The following SND1 variants were observed in gnomAD, a reference collection of about 807,000 sequenced individuals.
SND1 encodes staphylococcal nuclease domain-containing protein 1.
A neutral mutation model predicts 121.7 loss-of-function variants in SND1; 38 were observed. The observed-to-expected ratio is 0.31, with a 90% CI of 0.24 to 0.41. The LOEUF (loss-of-function observed/expected upper bound fraction) is 0.41, where lower values mean the gene tolerates loss of function less well. Ranked by LOEUF, SND1 falls within the 10% of genes least tolerant of loss-of-function variation. The pLI is 1.00. For missense variants in SND1, 868 were observed against 1,184.6 expected (o/e 0.73, Z 3.92); for synonymous variants, 401 against 447.4 (o/e 0.90, Z 1.31).
At chr7:127,763,883 T>C (rs980006575) in intron 10 of SND1, among the ~76,000 whole-genome samples, 39 of 151,892 alleles carry the variant, frequency 2.6e-4, no homozygotes, top group African/African-American at 9.2e-4. Context: ...TGCCTCAGCA[T>C]AGTGAGACAC....
intron 17 of SND1, among the ~76,000 whole-genome samples, chr7:128,075,113 A>C (rs322833): frequency 0.47 from 72,113 of 152,094 alleles, 19,314 homozygotes; most frequent in African/African-American, 0.73. Context: ...CCCCGTGGGG[A>C]AACAACCCTA....
At chr7:127,671,498 A>T (rs1795517285) in intron 1 of SND1, among the ~76,000 whole-genome samples, 1 of 152,036 alleles carries the variant, frequency 6.6e-6, no homozygotes, top group African/African-American at 2.4e-5. Flanking sequence ...CTCCTGGTTT[A>T]TTTGTTTGTT....
intron 12 of SND1, among the ~76,000 whole-genome samples, chr7:127,887,701 G>A (rs1212287338): frequency 6.6e-6 from 1 of 151,474 alleles, no homozygotes; most frequent in Non-Finnish European, 1.5e-5. Flanking sequence ...GTACTAACCA[G>A]AAAAATGCTG....
intron 16 of SND1, among the ~76,000 whole-genome samples, chr7:128,009,484 T>C (rs1176226877): frequency 1.3e-5 from 2 of 152,252 alleles, no homozygotes; most frequent in Non-Finnish European, 2.9e-5. Context: ...AACAGAACTT[T>C]CTATGTTGGT....
At chr7:128,079,543 C>G (rs901234872) in intron 17 of SND1, among the ~76,000 whole-genome samples, 3 of 152,228 alleles carry the variant, frequency 2.0e-5, no homozygotes, top group Admixed American at 6.5e-5. Flanking sequence ...CCCACAAGCC[C>G]AGCCATAGAA....
intron 7 of SND1, 115 bp from the exon 8 acceptor site, chr7:127,704,723 CA>C (rs1344153532): frequency 3.5e-6 from 3 of 865,044 alleles, no homozygotes; most frequent in Non-Finnish European, 5.6e-6. Context: ...AACAAACAAA[CA>C]AACAAACTGC....
At chr7:128,086,746 C>T (rs1731119645) in intron 20 of SND1, 192 bp from the exon 21 acceptor site, 1 of 625,550 alleles carries the variant, frequency 1.6e-6, no homozygotes. Flanking sequence ...TACTGCTGGA[C>T]CAGCAGGGCA....
At position 127,802,125 on chromosome 7, in the gene SND1, G is replaced by A. The variant is rs958735824; in HGVS notation, c.1153-5359G>A. Among the ~76,000 whole-genome samples the A allele has an allele frequency of 6.6e-5, 10 of 152,156 alleles. No homozygotes were observed. The East Asian group carries it at 9.7e-4, about 15-fold the overall frequency. On this transcript the variant is annotated intron_variant, in intron 10 of 23. Transcript: ENST00000354725. ...CTCCCAAAGTGCTGGGATTACAGGC[G>A]TGAACCACCGCGCCCAGCTCTAGAA... is the stretch of plus-strand genomic sequence containing the variant.
At chr7:127,741,418 A>G (rs1796880046) in intron 10 of SND1, among the ~76,000 whole-genome samples, 1 of 151,666 alleles carries the variant, frequency 6.6e-6, no homozygotes, top group African/African-American at 2.4e-5. Flanking sequence ...TTGTTCTTTT[A>G]CCTTAAAATC....
chr7:127,725,336 G>A (rs1796563676), intron 10 of SND1, among the ~76,000 whole-genome samples: 1 of 152,138 alleles, frequency 6.6e-6, no homozygotes, highest in Admixed American at 6.5e-5. Flanking sequence ...TTAGAGAAGG[G>A]TACTGCTTCT....
chr7:127,774,032 G>A (rs998558582), intron 10 of SND1, among the ~76,000 whole-genome samples: 2 of 152,146 alleles, frequency 1.3e-5, no homozygotes, highest in African/African-American at 2.4e-5. Context: ...CTGTATTTAC[G>A]ATACCATCCT....
At chr7:127,746,827 G>A (rs1796991236) in intron 10 of SND1, among the ~76,000 whole-genome samples, 1 of 152,104 alleles carries the variant, frequency 6.6e-6, no homozygotes, top group Non-Finnish European at 1.5e-5. Context: ...CCATAGCACT[G>A]ACTGGCCACT....
intron 15 of SND1, among the ~76,000 whole-genome samples, chr7:127,964,510 G>C (rs1198596506): frequency 6.6e-6 from 1 of 151,202 alleles, no homozygotes; most frequent in African/African-American, 2.4e-5. Flanking sequence ...ATTAAATAGG[G>C]AATCCTTTCC....
At chr7:128,032,642 G>T (rs925815924) in intron 16 of SND1, among the ~76,000 whole-genome samples, 2 of 152,068 alleles carry the variant, frequency 1.3e-5, no homozygotes, top group Non-Finnish European at 2.9e-5. Flanking sequence ...CGCCCGGCCC[G>T]CGTCATCCTC....
intron 15 of SND1, among the ~76,000 whole-genome samples, chr7:127,975,669 G>A (rs550102241): frequency 1.6e-4 from 24 of 152,304 alleles, no homozygotes; most frequent in African/African-American, 4.8e-4. Flanking sequence ...GATGGACAAA[G>A]GGAGCAGAGC....
intron 15 of SND1, among the ~76,000 whole-genome samples, chr7:127,930,994 T>C (rs1005607595): frequency 6.6e-6 from 1 of 152,230 alleles, no homozygotes; most frequent in African/African-American, 2.4e-5. Context: ...TGGTGATCTG[T>C]GACCAGTGAT....
chr7:127,966,172 G>T (rs562642016), intron 15 of SND1, among the ~76,000 whole-genome samples: 2 of 150,894 alleles, frequency 1.3e-5, no homozygotes, highest in Non-Finnish European at 1.5e-5. Flanking sequence ...TCTTGCTAGC[G>T]GTCTATCAAT....
chr7:127,685,419 T>C (rs1256404816), intron 1 of SND1, among the ~76,000 whole-genome samples: 1 of 152,240 alleles, frequency 6.6e-6, no homozygotes, highest in Non-Finnish European at 1.5e-5. Flanking sequence ...AAGCTATTTT[T>C]TATGAAGCGT....
intron 14 of SND1, among the ~76,000 whole-genome samples, chr7:127,914,357 G>A (rs567965832): frequency 7.2e-4 from 109 of 152,120 alleles, no homozygotes; most frequent in African/African-American, 2.3e-3. Context: ...TCCCCTGCTG[G>A]CCATGCCTTC....
Sources: gnomAD v4.1 joint callset for allele counts (sites outside exome capture counted in the v4.1 genomes callset) on GRCh38, gnomAD v4.1.1 for gene constraint, MANE v1.5 for transcripts, NCBI Gene and HGNC (gene_info 2026-07-23, HGNC 2026-07-21) for gene names.